The following DNAH11 variants were observed in gnomAD, a reference collection of about 807,000 sequenced individuals.
DNAH11 encodes the protein dynein axonemal heavy chain 11.
Under a neutral mutation model 526.0 loss-of-function variants are expected in DNAH11, and 442 were observed. The ratio of observed to expected loss-of-function variants is 0.84; its 90% CI spans 0.78 to 0.91. The LOEUF (loss-of-function observed/expected upper bound fraction) is 0.91. Among genes scored for constraint, DNAH11 ranks in the 40% least tolerant of loss-of-function variants. The pLI is 0.00. For synonymous variants in DNAH11, 2,461 were observed against 1,935.9 expected (o/e 1.27, Z -7.12); for missense variants, 6,989 against 5,448.7 (o/e 1.28, Z -8.90).
At position 21,892,555 on chromosome 7, in the gene DNAH11, C is replaced by T. The variant is rs757280252; in HGVS notation, c.12638C>T (p.Ala4213Val). The change falls in exon 77 of 82, where the codon GCT (alanine) becomes GTT (valine). Residue 4213 changes from alanine (A) to valine (V), a missense_variant. Transcript: ENST00000409508. ...SPALYGLHPN[A>V]EIEFLTVTSN... is the part of the protein sequence containing the mutation. ...GCACTGTATGGCCTCCACCCAAATG[C>T]TGAAATAGAATTCCTGACAGTGACA... The T allele has an allele frequency of 6.2e-7, 1 of 1,614,002 alleles. No homozygotes were observed. The highest frequency in any genetic ancestry group is 1.7e-5 in the Admixed American group (1 of 60,020).
chr7:21,733,410 T>TG (rs1243995917), intron 45 of DNAH11, among the ~76,000 whole-genome samples: 1 of 151,968 alleles, frequency 6.6e-6, no homozygotes, highest in Admixed American at 6.6e-5. Flanking sequence ...AGCAGGGAAA[T>TG]GGGGGTCCCA....
chr7:21,712,340 A>G (rs1784493798), intron 42 of DNAH11, among the ~76,000 whole-genome samples: 1 of 152,228 alleles, frequency 6.6e-6, no homozygotes, highest in Admixed American at 6.5e-5. Context: ...TGCTGTAAAC[A>G]TGGGTATACA....
chr7:21,742,882 A>C (rs1241994440), intron 49 of DNAH11, among the ~76,000 whole-genome samples: 3 of 152,214 alleles, frequency 2.0e-5, no homozygotes, highest in Non-Finnish European at 2.9e-5. Context: ...TATTTCTCAC[A>C]GTTCTGGAGG....
At chr7:21,555,784 G>A (rs901019366) in intron 2 of DNAH11, among the ~76,000 whole-genome samples, 1 of 152,154 alleles carries the variant, frequency 6.6e-6, no homozygotes, top group Non-Finnish European at 1.5e-5. Flanking sequence ...CAGGGATCCA[G>A]GACGCCTGGA....
At chr7:21,839,754 G>T (rs1480879592) in intron 65 of DNAH11, among the ~76,000 whole-genome samples, 4 of 152,048 alleles carry the variant, frequency 2.6e-5, no homozygotes, top group African/African-American at 9.7e-5. Flanking sequence ...AACTAATAGG[G>T]TTTTCAAAAG....
chr7:21,828,386 C>G (rs1174305757), intron 65 of DNAH11, among the ~76,000 whole-genome samples: 1 of 152,138 alleles, frequency 6.6e-6, no homozygotes, highest in Non-Finnish European at 1.5e-5. Context: ...TTCTAATTTC[C>G]AAATTCAAAA....
intron 77 of DNAH11, among the ~76,000 whole-genome samples, chr7:21,894,230 A>G (rs575542313): frequency 6.6e-6 from 1 of 152,342 alleles, no homozygotes; most frequent in South Asian, 2.1e-4. Context: ...TTAATTTAGC[A>G]GATTATAAAA....
At chr7:21,699,847 C>G (rs1783988806) in intron 36 of DNAH11, among the ~76,000 whole-genome samples, 1 of 151,694 alleles carries the variant, frequency 6.6e-6, no homozygotes, top group South Asian at 2.1e-4. Flanking sequence ...TAATAATGTG[C>G]TTTTTGCTGA....
chr7:21,617,121 C>T (rs543095907), intron 22 of DNAH11, among the ~76,000 whole-genome samples: 1 of 152,180 alleles, frequency 6.6e-6, no homozygotes, highest in African/African-American at 2.4e-5. Flanking sequence ...GATGTTTTTC[C>T]TTGGGCTGAG....
At chr7:21,677,707 C>A (rs1782953343) in intron 30 of DNAH11, among the ~76,000 whole-genome samples, 1 of 152,144 alleles carries the variant, frequency 6.6e-6, no homozygotes, top group African/African-American at 2.4e-5. Flanking sequence ...TCTTTGATGT[C>A]ACTCTTGTAG....
At chr7:21,560,123 G>A (rs1280793587) in intron 4 of DNAH11, among the ~76,000 whole-genome samples, 1 of 152,180 alleles carries the variant, frequency 6.6e-6, no homozygotes, top group Non-Finnish European at 1.5e-5. Flanking sequence ...TTGCTTGGTA[G>A]AGAGACACAG....
At position 21,816,453 on chromosome 7, in the gene DNAH11, C is replaced by G; in HGVS notation, c.10333-14C>G. 1 of 1,581,084 alleles carries G rather than the reference C, an allele frequency of 6.3e-7. No homozygotes were observed. The highest frequency in any genetic ancestry group is 8.6e-7 in the Non-Finnish European group (1 of 1,162,144). On this transcript the variant is annotated splice_polypyrimidine_tract_variant and intron_variant, in intron 63 of 81. Coordinates refer to ENST00000409508, the MANE Select transcript of DNAH11 (RefSeq NM_001277115.2). ...CACATGACCAATTTGTTGCATTCAA[C>G]TCTGATTTTAAAGGTTTCCATTCCA...
chr7:21,616,533 A>C (rs1002374989), intron 22 of DNAH11, among the ~76,000 whole-genome samples: 5 of 152,176 alleles, frequency 3.3e-5, no homozygotes, highest in African/African-American at 9.6e-5. Flanking sequence ...TACTCTAATT[A>C]TGAGCTTCCT....
chr7:21,766,375 G>A (rs771229869), intron 55 of DNAH11, among the ~76,000 whole-genome samples: 6 of 152,140 alleles, frequency 3.9e-5, no homozygotes, highest in Non-Finnish European at 8.8e-5. Flanking sequence ...TTCCCAGGGA[G>A]CTTTGTCTTC....
chr7:21,770,359 C>T (rs905230060), intron 55 of DNAH11, among the ~76,000 whole-genome samples: 3 of 152,128 alleles, frequency 2.0e-5, no homozygotes, highest in African/African-American at 4.8e-5. Context: ...GAATTTTGTG[C>T]GTGAAACAAA....
chr7:21,770,971 ATATCT>A (rs1166706279), intron 55 of DNAH11, among the ~76,000 whole-genome samples: 1 of 152,198 alleles, frequency 6.6e-6, no homozygotes, highest in East Asian at 1.9e-4. Flanking sequence ...GCAACCACAA[ATATCT>A]TATTAATATA....
chr7:21,638,788 AGAT>A, intron 27 of DNAH11, 148 bp from the exon 28 acceptor site: 1 of 844,680 alleles, frequency 1.2e-6, no homozygotes, highest in Non-Finnish European at 1.8e-6. Context: ...TAAGCAAGAT[AGAT>A]GATGGTGTAA....
At chr7:21,883,320 T>G (rs1784001870) in intron 75 of DNAH11, among the ~76,000 whole-genome samples, 1 of 152,222 alleles carries the variant, frequency 6.6e-6, no homozygotes, top group South Asian at 2.1e-4. Flanking sequence ...CACTGGCATG[T>G]TTTGCAAACC....
At chr7:21,737,070 G>A (rs901133789) in intron 46 of DNAH11, among the ~76,000 whole-genome samples, 1 of 152,114 alleles carries the variant, frequency 6.6e-6, no homozygotes, top group Non-Finnish European at 1.5e-5. Context: ...ATTAGTGCGA[G>A]GAATAGAAAG....
Sources: allele counts gnomAD v4.1 joint callset (sites outside exome capture counted in the v4.1 genomes callset), GRCh38; gene constraint gnomAD v4.1.1; transcripts MANE v1.5; gene names NCBI Gene and HGNC (gene_info 2026-07-23, HGNC 2026-07-21).